Variants in EML6 observed in about 807,000 individuals in gnomAD.
EML6 encodes echinoderm microtubule-associated protein-like 6.
A neutral mutation model predicts 240.1 loss-of-function variants in EML6; 154 were observed. The ratio of observed to expected loss-of-function variants is 0.64; its 90% confidence interval spans 0.56 to 0.73. The LOEUF (loss-of-function observed/expected upper bound fraction) is 0.73, where lower values mean the gene tolerates loss of function less well. Among genes scored for constraint, EML6 ranks in the 30% least tolerant of loss-of-function variants. EML6 has a pLI of 0.00. For missense variants in EML6, 2,964 were observed against 2,474.6 expected (o/e 1.20, Z -4.20); for synonymous variants, 1,148 against 899.0 (o/e 1.28, Z -4.95).
At chr2:54,945,085 CCT>C (rs1375112757) in intron 28 of EML6, among the ~76,000 whole-genome samples, 3 of 121,638 alleles carry the variant, frequency 2.5e-5, no homozygotes, top group Non-Finnish European at 3.5e-5. Context: ...CCCATTCCTC[CCT>C]CTCTCCCTCC....
At chr2:54,879,752 T>A in intron 17 of EML6, 112 bp downstream of exon 17, 1 of 707,148 alleles carries the variant, frequency 1.4e-6, no homozygotes. Flanking sequence ...GAAATTGACG[T>A]AGAAGGCTTA....
intron 7 of EML6, among the ~76,000 whole-genome samples, chr2:54,830,078 A>T (rs1054039585): frequency 6.6e-6 from 1 of 152,208 alleles, no homozygotes; most frequent in African/African-American, 2.4e-5. Flanking sequence ...AGGACTAAAT[A>T]TACTTGCAAA....
intron 24 of EML6, among the ~76,000 whole-genome samples, chr2:54,907,648 G>A (rs988882950): frequency 6.6e-5 from 10 of 152,186 alleles, no homozygotes; most frequent in African/African-American, 2.4e-4. Flanking sequence ...CAGCTGGGAT[G>A]ATGTATGTGG....
At chr2:54,801,335 G>T (rs1465636281) in intron 2 of EML6, among the ~76,000 whole-genome samples, 1 of 143,952 alleles carries the variant, frequency 6.9e-6, no homozygotes, top group African/African-American at 2.5e-5. Context: ...AAAAAAAAAA[G>T]GTTTCTCATT....
At chr2:54,945,906 G>C (rs895450981) in intron 28 of EML6, among the ~76,000 whole-genome samples, 1 of 152,196 alleles carries the variant, frequency 6.6e-6, no homozygotes, top group African/African-American at 2.4e-5. Flanking sequence ...ATCCTGCCCT[G>C]CCCACAGAAT....
chr2:54,834,745 A>C (rs964901664), intron 7 of EML6, among the ~76,000 whole-genome samples: 1 of 152,248 alleles, frequency 6.6e-6, no homozygotes, highest in Non-Finnish European at 1.5e-5. Context: ...ATTAGAGGCC[A>C]AAGTTCCAGG....
At position 54,901,863 on chromosome 2, in the gene EML6, T is replaced by C. The variant is rs187601310; in HGVS notation, c.3125-1181T>C. Among the ~76,000 whole-genome samples the C allele has an allele frequency of 3.5e-3, 534 of 152,350 alleles. 2 individuals carry two copies. Among genetic ancestry groups the C allele is most frequent in the Middle Eastern group, 6.8e-3 (2 of 294 alleles). On this transcript the variant is annotated intron_variant, in intron 22 of 41. Transcript: ENST00000356458. ...ATGGTGGCAGAGGGTAGGCATGTTCTTGAATCAGTTTCCTTTTAGACATAC... is the reference window on the plus strand; with the variant it reads ...ATGGTGGCAGAGGGTAGGCATGTTCCTGAATCAGTTTCCTTTTAGACATAC...
chr2:54,793,334 G>A (rs757531272), intron 2 of EML6, among the ~76,000 whole-genome samples: 5 of 149,726 alleles, frequency 3.3e-5, no homozygotes, highest in Non-Finnish European at 5.9e-5. Flanking sequence ...CATAAAACAC[G>A]GATCAACTTT....
intron 2 of EML6, among the ~76,000 whole-genome samples, chr2:54,762,625 G>A (rs1668026325): frequency 6.6e-6 from 1 of 152,032 alleles, no homozygotes; most frequent in African/African-American, 2.4e-5. Flanking sequence ...ATAATAAAGT[G>A]CTTCCTGCCC....
chr2:54,906,364 C>T (rs986799891), intron 24 of EML6, among the ~76,000 whole-genome samples: 5 of 152,136 alleles, frequency 3.3e-5, no homozygotes. Context: ...CACAAGATCT[C>T]GGCCAGGATC....
At chr2:54,808,396 C>T (rs1371349706) in intron 2 of EML6, among the ~76,000 whole-genome samples, 2 of 152,268 alleles carry the variant, frequency 1.3e-5, no homozygotes, top group Non-Finnish European at 2.9e-5. Flanking sequence ...CCCCTTCTGT[C>T]GTCAGACAAT....
At chr2:54,748,924 G>A (rs532519704) in intron 2 of EML6, among the ~76,000 whole-genome samples, 1 of 152,058 alleles carries the variant, frequency 6.6e-6, no homozygotes, top group East Asian at 1.9e-4. Flanking sequence ...CCTTCATATC[G>A]ATGGACATTT....
At chr2:54,730,602 T>A (rs1157147990) in intron 2 of EML6, among the ~76,000 whole-genome samples, 1 of 152,182 alleles carries the variant, frequency 6.6e-6, no homozygotes, top group Non-Finnish European at 1.5e-5. Flanking sequence ...TTAATCAGAG[T>A]TACTCAATGG....
intron 2 of EML6, chr2:54,747,168 G>A (rs1683951241): frequency 6.6e-6 from 1 of 152,226 alleles, no homozygotes. Context: ...TATGTAAAGT[G>A]TAAGTAATAA....
rs913134667 is a variant in EML6 at position 54,907,422 on chromosome 2, C to T, written c.3410-3532C>T. Among the ~76,000 whole-genome samples, 86 of 152,204 alleles carry T rather than the reference C, an allele frequency of 5.7e-4. 1 individual carries two copies. The highest frequency in any genetic ancestry group is 5.4e-3 in the Admixed American group (82 of 15,284). ...CTTGGGAGGCTGAGGCCAGGAGAAT[C>T]GCTTGAACCGGGAGGCAGAGGTTGC... On this transcript the variant is annotated intron_variant, in intron 24 of 41. Coordinates refer to ENST00000356458, the MANE Select transcript of EML6 (RefSeq NM_001039753.4).
intron 2 of EML6, among the ~76,000 whole-genome samples, chr2:54,796,718 A>T (rs1324643428): frequency 6.6e-6 from 1 of 152,094 alleles, no homozygotes; most frequent in African/African-American, 2.4e-5. Flanking sequence ...GGTTATGGGG[A>T]TCTACAAAGC....
chr2:54,861,159 A>G (rs551265359), intron 12 of EML6, among the ~76,000 whole-genome samples: 2 of 152,338 alleles, frequency 1.3e-5, no homozygotes, highest in East Asian at 3.9e-4. Flanking sequence ...GCCTTCCAGC[A>G]GCCAGAGCTC....
At chr2:54,762,974 T>A (rs1020250032) in intron 2 of EML6, among the ~76,000 whole-genome samples, 1 of 152,242 alleles carries the variant, frequency 6.6e-6, no homozygotes, top group African/African-American at 2.4e-5. Context: ...GAGATACATT[T>A]AAACATCTTA....
At position 54,799,500 on chromosome 2, in the gene EML6, C is replaced by G. The variant is rs912749034; in HGVS notation, c.198-13732C>G. Among the ~76,000 whole-genome samples the G allele has an allele frequency of 2.0e-5, 3 of 152,242 alleles. No individual in the cohort carries two copies. In the South Asian group the frequency reaches 6.2e-4, roughly 32 times the overall value. On this transcript the variant is annotated intron_variant, in intron 2 of 41. Coordinates refer to ENST00000356458, the MANE Select transcript of EML6 (RefSeq NM_001039753.4). ...AGCTGGGATTACAGGTGCCCACCACCACGCCCAGCTAATTTTTGTATTTTT... is the reference window on the plus strand; with the variant it reads ...AGCTGGGATTACAGGTGCCCACCACGACGCCCAGCTAATTTTTGTATTTTT...
Sources: allele counts gnomAD v4.1 joint callset (sites outside exome capture counted in the v4.1 genomes callset), GRCh38; gene constraint gnomAD v4.1.1; transcripts MANE v1.5; gene names NCBI Gene and HGNC (gene_info 2026-07-23, HGNC 2026-07-21).